Variants in PLEKHA1 observed in about 807,000 individuals in gnomAD.
The protein encoded by PLEKHA1 is pleckstrin homology domain containing A1.
PLEKHA1 carries 34 observed loss-of-function variants against 52.0 expected under a neutral mutation model. The observed-to-expected ratio is 0.65, with a 90% CI of 0.50 to 0.87. The LOEUF (loss-of-function observed/expected upper bound fraction) is 0.87, where lower values mean the gene tolerates loss of function less well. Ranked by LOEUF, PLEKHA1 falls within the 40% of genes least tolerant of loss-of-function variation. The pLI is 0.00. For synonymous variants in PLEKHA1, 163 were observed against 170.7 expected (o/e 0.95, Z 0.35); for missense variants, 497 against 504.2 (o/e 0.99, Z 0.14).
At position 122,426,895 on chromosome 10, in the gene PLEKHA1, G is replaced by A. The variant is rs757825820; in HGVS notation, c.811-47G>A. On this transcript the variant is annotated intron_variant, in intron 10 of 11. Transcript: ENST00000368990. ...TAAATACATTGGCTGTATAGAAGTA[G>A]GTGATTTTGAGAAAAAATTGTTTGA... The A allele has an allele frequency of 1.2e-5, 17 of 1,454,980 alleles. 1 individual carries two copies. In the Admixed American group the frequency reaches 2.0e-4, roughly 17 times the overall value. The allele number at this position is 1,454,980 out of a possible 1,614,324, so 90.1% of individuals were successfully genotyped here. A position where few individuals can be genotyped will look rare whatever the true frequency, so the allele number is the denominator to read the frequency against.
At chr10:122,416,115 C>T (rs568933704) in intron 7 of PLEKHA1, 113 bp downstream of exon 7, 54 of 1,190,684 alleles carry the variant, frequency 4.5e-5, no homozygotes, top group South Asian at 4.2e-4. Context: ...AGTGAGAGAC[C>T]GGCATGCTGA....
chr10:122,397,446 A>G (rs2096866442), intron 2 of PLEKHA1, among the ~76,000 whole-genome samples: 1 of 152,182 alleles, frequency 6.6e-6, no homozygotes, highest in Non-Finnish European at 1.5e-5. Flanking sequence ...TTAATATGGC[A>G]TAAAAAACAG....
intron 1 of PLEKHA1, among the ~76,000 whole-genome samples, chr10:122,389,805 G>A (rs1309220918): frequency 6.6e-6 from 1 of 152,160 alleles, no homozygotes; most frequent in African/African-American, 2.4e-5. Context: ...AGTAGACTTT[G>A]CATAATTCTT....
At chr10:122,435,903 AAAG>A (rs2097435894), downstream of PLEKHA1, 2 of 152,254 alleles carry the variant, frequency 1.3e-5, no homozygotes, top group Non-Finnish European at 2.9e-5. Context: ...AAAAAAAAGA[AAAG>A]AAAAAGATAT....
chr10:122,426,970 G>A lies in PLEKHA1; in HGVS notation c.839G>A (p.Trp280Ter). Reference sequence around the variant, plus strand: ...GATAGCCCTGAAGAGATGCACAGTTGGATTAAAGCAGTCTCTGGCGCCATT... The same window carrying A: ...GATAGCCCTGAAGAGATGCACAGTTAGATTAAAGCAGTCTCTGGCGCCATT... ...QADSPEEMHS[W>*]IKAVSGAIVA... The change falls in exon 11 of 12, where the codon TGG (tryptophan) becomes TAG (stop). Residue 280 changes from tryptophan (W) to a stop codon, truncating the protein, a stop_gained. Coordinates refer to ENST00000368990, the MANE Select transcript of PLEKHA1 (RefSeq NM_001001974.4). LOFTEE classifies it high-confidence loss of function. 6.2e-7 allele frequency: 1 copy of A among 1,614,058 alleles called. No homozygotes were observed. The highest frequency in any genetic ancestry group is 1.3e-5 in the African/African-American group (1 of 75,030).
intron 4 of PLEKHA1, among the ~76,000 whole-genome samples, chr10:122,401,937 G>A (rs1050403813): frequency 6.6e-6 from 1 of 152,162 alleles, no homozygotes; most frequent in Admixed American, 6.5e-5. Context: ...AAGATGAAAC[G>A]TGGCTGTCAA....
At chr10:122,395,049 T>C in intron 2 of PLEKHA1, among the ~76,000 whole-genome samples, 1 of 152,190 alleles carries the variant, frequency 6.6e-6, no homozygotes, top group African/African-American at 2.4e-5. Context: ...CATTTGAAAT[T>C]GACTTAGAAG....
intron 1 of PLEKHA1, among the ~76,000 whole-genome samples, chr10:122,383,410 C>A (rs531506974): frequency 6.0e-5 from 9 of 149,376 alleles, no homozygotes. Context: ...GACTCAATCT[C>A]CTGGGCTGAA....
At chr10:122,432,561 AG>A (rs2097423347), downstream of PLEKHA1, 1 of 151,610 alleles carries the variant, frequency 6.6e-6, no homozygotes, top group South Asian at 2.1e-4. Context: ...TTTTTTTGAT[AG>A]GGGAAAGAAC....
intron 1 of PLEKHA1, among the ~76,000 whole-genome samples, chr10:122,383,204 C>T (rs1293525807): frequency 1.3e-5 from 2 of 152,194 alleles, no homozygotes; most frequent in Non-Finnish European, 2.9e-5. Flanking sequence ...CAACTACCAA[C>T]CCTGCCACCA....
chr10:122,439,934 C>T, the PLEKHA1 span: 1 of 152,184 alleles, frequency 6.6e-6, no homozygotes, highest in African/African-American at 2.4e-5. Flanking sequence ...GAAAATTATA[C>T]ATTTTATCTA....
chr10:122,392,774 A>G (rs974174861), intron 1 of PLEKHA1, among the ~76,000 whole-genome samples: 5 of 152,194 alleles, frequency 3.3e-5, no homozygotes, highest in African/African-American at 1.2e-4. Context: ...AGCATGTAGC[A>G]AGTGGTCACT....
intron 1 of PLEKHA1, among the ~76,000 whole-genome samples, chr10:122,388,160 G>A (rs2096726630): frequency 6.6e-6 from 1 of 152,124 alleles, no homozygotes; most frequent in Admixed American, 6.5e-5. Flanking sequence ...CAGCTCTTCT[G>A]CATTTCCCAC....
chr10:122,434,442 A>G (rs1591004980), downstream of PLEKHA1: 1 of 152,160 alleles, frequency 6.6e-6, no homozygotes, highest in Admixed American at 6.5e-5. Context: ...GTTCTGCCGT[A>G]TGTGACTTTA....
intron 5 of PLEKHA1, 137 bp from the exon 6 acceptor site, chr10:122,412,783 G>T: frequency 6.0e-6 from 5 of 839,072 alleles, no homozygotes; most frequent in Non-Finnish European, 9.1e-6. Context: ...AACTTAAGGA[G>T]TACATACATG....
At chr10:122,428,283 A>G in intron 11 of PLEKHA1, 2 of 1,541,726 alleles carry the variant, frequency 1.3e-6, no homozygotes, top group African/African-American at 1.4e-5. Flanking sequence ...CAGATGCGGC[A>G]GGCCAGAAGG....
In PLEKHA1 at chr10:122,419,254, G is replaced by A. The variant is rs576499002; in HGVS notation, c.681+1286G>A. On this transcript the variant is annotated intron_variant, in intron 8 of 11. Coordinates refer to ENST00000368990, the MANE Select transcript of PLEKHA1 (RefSeq NM_001001974.4). Reference sequence around the variant, plus strand: ...TTGTCTTTGCAACTAAATTAAATGAGCTTCTTAAGGGTAAAGACTCTTGTA... The same window carrying A: ...TTGTCTTTGCAACTAAATTAAATGAACTTCTTAAGGGTAAAGACTCTTGTA... 6 of 152,294 alleles carry A rather than the reference G, an allele frequency of 3.9e-5. No homozygotes were observed. In the East Asian group the frequency reaches 1.2e-3, roughly 29 times the overall value. The allele number at this position is 152,294 out of a possible 1,614,324, so 9.4% of individuals were successfully genotyped here. A position where few individuals can be genotyped will look rare whatever the true frequency, so the allele number is the denominator to read the frequency against.
chr10:122,429,906 G>A lies in PLEKHA1; in HGVS notation c.1183G>A (p.Asp395Asn). ...QEKDCDLVDL[D>N]DASLPVSDV ...AAAAGATTGTGACCTAGTAGACTTG[G>A]ACGATGCGAGCCTTCCGGTCAGTGA... The change falls in exon 12 of 12, where the codon GAC becomes AAC. Residue 395 changes from aspartate to asparagine, a missense_variant. Coordinates refer to ENST00000368990, the MANE Select transcript of PLEKHA1 (RefSeq NM_001001974.4). The A allele has an allele frequency of 5.0e-6, 8 of 1,614,004 alleles. No homozygotes were observed. The highest frequency in any genetic ancestry group is 6.8e-6 in the Non-Finnish European group (8 of 1,179,958).
At chr10:122,398,724 A>T (rs1431095023) in intron 3 of PLEKHA1, among the ~76,000 whole-genome samples, 1 of 152,072 alleles carries the variant, frequency 6.6e-6, no homozygotes, top group South Asian at 2.1e-4. Context: ...TGTTATGCAT[A>T]TACTGAGATC....
Sources: allele counts gnomAD v4.1 joint callset (sites outside exome capture counted in the v4.1 genomes callset), GRCh38; gene constraint gnomAD v4.1.1; transcripts MANE v1.5; gene names NCBI Gene and HGNC (gene_info 2026-07-23, HGNC 2026-07-21).